DOK6: variants seen among roughly 807,000 people sequenced by gnomAD.
DOK6 encodes the protein downstream of tyrosine kinase 6.
In DOK6, 22 loss-of-function variants were observed where a neutral mutation model predicts 44.0. The ratio of observed to expected loss-of-function variants is 0.50; its 90% CI spans 0.36 to 0.71. The LOEUF is 0.71. DOK6 is among the 30% of genes least tolerant of loss of function. DOK6 has a pLI of 0.00. For missense variants in DOK6, 340 were observed against 416.4 expected, an observed-to-expected ratio of 0.82 and a Z score of 1.60; for synonymous variants, 166 against 145.5, an observed-to-expected ratio of 1.14 and a Z score of -1.01.
rs201617592 is a variant in DOK6 at position 69,767,238 on chromosome 18, G to GA, written c.856+9375dup. 7.4e-4 allele frequency among the ~76,000 whole-genome samples: 109 copies of GA among 147,400 alleles called. 1 individual carries two copies. The highest frequency in any genetic ancestry group is 3.0e-3 in the East Asian group (15 of 5,028). On this transcript the variant is annotated intron_variant, in intron 7 of 7. Coordinates refer to ENST00000382713, the MANE Select transcript of DOK6 (RefSeq NM_152721.6). ...CAGAGTGAGAAAGTCTATCTCAAAA[G>GA]AAAAAAAAAATCTAGCTTTAATAAA...
chr18:69,584,599 G>A (rs1983455090), intron 2 of DOK6, among the ~76,000 whole-genome samples: 1 of 152,016 alleles, frequency 6.6e-6, no homozygotes, highest in Admixed American at 6.6e-5. Flanking sequence ...GACCATATCT[G>A]GTTTTTGCAT....
intron 3 of DOK6, among the ~76,000 whole-genome samples, chr18:69,652,234 T>C (rs1985248422): frequency 6.6e-6 from 1 of 152,236 alleles, no homozygotes; most frequent in Admixed American, 6.5e-5. Flanking sequence ...AGAGAAGTTG[T>C]TTTTTATACA....
At chr18:69,626,750 G>T (rs1984565473) in intron 3 of DOK6, among the ~76,000 whole-genome samples, 1 of 152,146 alleles carries the variant, frequency 6.6e-6, no homozygotes, top group East Asian at 1.9e-4. Flanking sequence ...AGAAATAGTG[G>T]CACTGTCTTC....
intron 1 of DOK6, among the ~76,000 whole-genome samples, chr18:69,459,181 A>T (rs1979716802): frequency 1.2e-5 from 1 of 80,798 alleles, no homozygotes; most frequent in Non-Finnish European, 2.4e-5. Context: ...CTCAAAAAAA[A>T]ATATTTTGTG....
intron 2 of DOK6, among the ~76,000 whole-genome samples, chr18:69,570,705 A>C (rs1045545144): frequency 1.3e-5 from 2 of 152,150 alleles, no homozygotes; most frequent in Non-Finnish European, 2.9e-5. Context: ...ACTGGGGGTC[A>C]GTGATTTGGA....
At chr18:69,652,111 T>A (rs973544451) in intron 3 of DOK6, among the ~76,000 whole-genome samples, 5 of 152,098 alleles carry the variant, frequency 3.3e-5, no homozygotes, top group African/African-American at 9.7e-5. Flanking sequence ...TGTGGAAAAA[T>A]AAGGGTGTCC....
At chr18:69,651,815 C>T (rs1985236738) in intron 3 of DOK6, among the ~76,000 whole-genome samples, 1 of 152,024 alleles carries the variant, frequency 6.6e-6, no homozygotes, top group Admixed American at 6.6e-5. Flanking sequence ...CTCTTTTCTG[C>T]ACTATCTCCT....
At chr18:69,649,663 G>C (rs1353562995) in intron 3 of DOK6, among the ~76,000 whole-genome samples, 2 of 152,096 alleles carry the variant, frequency 1.3e-5, no homozygotes, top group African/African-American at 4.8e-5. Context: ...AATGAGATTA[G>C]TAAAGGGCCT....
At chr18:69,415,865 T>C (rs1015718027) in intron 1 of DOK6, among the ~76,000 whole-genome samples, 1 of 152,132 alleles carries the variant, frequency 6.6e-6, no homozygotes, top group African/African-American at 2.4e-5. Flanking sequence ...AAGATTAATT[T>C]ATGGCTTACA....
intron 1 of DOK6, among the ~76,000 whole-genome samples, chr18:69,430,219 G>A (rs1303943725): frequency 6.6e-6 from 1 of 152,128 alleles, no homozygotes; most frequent in African/African-American, 2.4e-5. Flanking sequence ...CATCAAAACT[G>A]TCATCTTTTT....
intron 1 of DOK6, among the ~76,000 whole-genome samples, chr18:69,521,008 A>G (rs1340939945): frequency 6.6e-6 from 1 of 151,952 alleles, no homozygotes; most frequent in Non-Finnish European, 1.5e-5. Flanking sequence ...TAATAACAGT[A>G]AAGATTCTGA....
intron 3 of DOK6, among the ~76,000 whole-genome samples, chr18:69,669,069 C>T (rs557854055): frequency 4.9e-4 from 74 of 152,304 alleles, no homozygotes; most frequent in African/African-American, 1.6e-3. Context: ...TTCCCTCTAC[C>T]ACCCAATTGC....
intron 4 of DOK6, among the ~76,000 whole-genome samples, chr18:69,690,466 C>T (rs1037366421): frequency 5.3e-5 from 8 of 152,076 alleles, no homozygotes; most frequent in South Asian, 2.1e-4. Flanking sequence ...TGTAAACATC[C>T]GCTTTTTCAG....
intron 1 of DOK6, among the ~76,000 whole-genome samples, chr18:69,509,441 T>C (rs926194053): frequency 6.6e-5 from 10 of 151,794 alleles, no homozygotes; most frequent in Non-Finnish European, 1.2e-4. Context: ...ATCGAGACCA[T>C]CCTGGCTAAC....
chr18:69,784,221 G>A (rs9947468), intron 7 of DOK6, among the ~76,000 whole-genome samples: 19,490 of 151,924 alleles, frequency 0.13, 1,928 homozygotes, highest in African/African-American at 0.27. Flanking sequence ...CCACCCTTTT[G>A]TTAATATCAT....
intron 1 of DOK6, among the ~76,000 whole-genome samples, chr18:69,456,929 G>T (rs995074040): frequency 6.6e-6 from 1 of 151,878 alleles, no homozygotes; most frequent in African/African-American, 2.4e-5. Flanking sequence ...CATGTTTGTT[G>T]GCCACTTGTA....
chr18:69,694,842 G>C (rs1000998977), intron 4 of DOK6, among the ~76,000 whole-genome samples: 10 of 152,074 alleles, frequency 6.6e-5, no homozygotes, highest in Non-Finnish European at 1.5e-4. Context: ...ATGTTTTCTT[G>C]TTGTTGTCAA....
chr18:69,678,323 G>A (rs970558154), intron 4 of DOK6, among the ~76,000 whole-genome samples: 3 of 152,194 alleles, frequency 2.0e-5, no homozygotes, highest in African/African-American at 7.2e-5. Context: ...AACAACTGGA[G>A]AAAATGCTAA....
chr18:69,595,573 C>T (rs371228126), intron 2 of DOK6, among the ~76,000 whole-genome samples: 12 of 152,228 alleles, frequency 7.9e-5, no homozygotes, highest in East Asian at 3.9e-4. Flanking sequence ...ATAATTTCAT[C>T]GTTCTTCCAC....
Sources: allele counts gnomAD v4.1 joint callset (sites outside exome capture counted in the v4.1 genomes callset), GRCh38; gene constraint gnomAD v4.1.1; transcripts MANE v1.5; gene names NCBI Gene and HGNC (gene_info 2026-07-23, HGNC 2026-07-21).